CDK5RAP2: variants seen among roughly 807,000 people sequenced by gnomAD.
The protein encoded by CDK5RAP2 is CDK5 regulatory subunit associated protein 2.
In CDK5RAP2, 147 loss-of-function variants were observed where a neutral mutation model predicts 232.9. That is an observed-to-expected ratio of 0.63 (90% CI 0.55 to 0.72). CDK5RAP2 has a LOEUF of 0.72. Ranked by LOEUF, CDK5RAP2 falls within the 30% of genes least tolerant of loss-of-function variation. CDK5RAP2 has a pLI of 0.00. For synonymous variants in CDK5RAP2, 833 were observed against 833.7 expected (o/e 1.00, Z 0.01); for missense variants, 2,195 against 2,231.5 (o/e 0.98, Z 0.33).
At chr9:120,411,531 G>C (rs371815318) in intron 28 of CDK5RAP2, 57 bp from the exon 29 acceptor site, 4 of 917,638 alleles carry the variant, frequency 4.4e-6, no homozygotes, top group South Asian at 4.0e-5. Context: ...AGTATAGACA[G>C]AACTTTCTAG....
intron 21 of CDK5RAP2, among the ~76,000 whole-genome samples, chr9:120,453,178 G>A (rs1003679812): frequency 6.6e-6 from 1 of 152,104 alleles, no homozygotes; most frequent in African/African-American, 2.4e-5. Context: ...CCTCACGTGT[G>A]TTTTTTCTAA....
chr9:120,446,595 A>G (rs889592082), intron 22 of CDK5RAP2, among the ~76,000 whole-genome samples: 8 of 152,072 alleles, frequency 5.3e-5, no homozygotes, highest in East Asian at 1.9e-4. Context: ...AAAGTTTCCA[A>G]TCTTACCAAG....
chr9:120,552,799 G>A (rs577409401), intron 3 of CDK5RAP2, among the ~76,000 whole-genome samples: 36 of 151,006 alleles, frequency 2.4e-4, no homozygotes, highest in Non-Finnish European at 3.7e-4. Flanking sequence ...CGTATGTAAC[G>A]AACCTGCACA....
At chr9:120,547,482 T>C (rs755760279) in intron 4 of CDK5RAP2, among the ~76,000 whole-genome samples, 1 of 151,982 alleles carries the variant, frequency 6.6e-6, no homozygotes, top group Non-Finnish European at 1.5e-5. Flanking sequence ...CACATGCCTG[T>C]AGTCCCAGGT....
At chr9:120,393,216 T>C (rs2094427924) in intron 36 of CDK5RAP2, among the ~76,000 whole-genome samples, 3 of 152,138 alleles carry the variant, frequency 2.0e-5, no homozygotes, top group Admixed American at 2.0e-4. Context: ...ACTCAGCACA[T>C]CGTCCTGCAG....
chr9:120,452,064 C>T (rs1236500698), intron 21 of CDK5RAP2, among the ~76,000 whole-genome samples: 1 of 151,774 alleles, frequency 6.6e-6, no homozygotes, highest in Non-Finnish European at 1.5e-5. Context: ...TTCCTGAACA[C>T]AGAATAACAT....
intron 19 of CDK5RAP2, among the ~76,000 whole-genome samples, chr9:120,458,958 G>A (rs1259306771): frequency 6.6e-6 from 1 of 152,202 alleles, no homozygotes; most frequent in Non-Finnish European, 1.5e-5. Flanking sequence ...GACCACCTCA[G>A]GTGACATGTC....
intron 28 of CDK5RAP2, among the ~76,000 whole-genome samples, chr9:120,411,716 T>G (rs3818709): frequency 0.028 from 4,204 of 151,964 alleles, 73 homozygotes; most frequent in East Asian, 0.042. Flanking sequence ...GGGCCAGGAG[T>G]GGGATGAGTG....
In CDK5RAP2 at chr9:120,477,421, C is replaced by A. The variant is rs532710649; in HGVS notation, c.1656G>T (p.Glu552Asp). The A allele has an allele frequency of 6.2e-7, 1 of 1,613,402 alleles. No individual in the cohort carries two copies. Among genetic ancestry groups the A allele is most frequent in the Non-Finnish European group, 8.5e-7 (1 of 1,179,436 alleles). The change falls in exon 15 of 38, where the codon GAG (glutamate) becomes GAT (aspartate). Residue 552 changes from glutamate (E) to aspartate (D), a missense_variant. Coordinates refer to ENST00000349780, the MANE Select transcript of CDK5RAP2 (RefSeq NM_018249.6). ...GCTCTTTCTTTAAGACCTGAATCAG[C>A]TCTTCATAGTCTGATGATTGTTTCT... is the stretch of plus-strand genomic sequence containing the variant. ...KEKKQSSDYE[E>D]LIQVLKKEQD...
chr9:120,536,173 T>C (rs952260086), intron 7 of CDK5RAP2, among the ~76,000 whole-genome samples, 199 bp downstream of exon 7: 1 of 152,228 alleles, frequency 6.6e-6, no homozygotes, highest in Non-Finnish European at 1.5e-5. Context: ...CTCATATGAC[T>C]ATGCTATTCC....
chr9:120,407,573 T>G, intron 31 of CDK5RAP2: 1 of 362,716 alleles, frequency 2.8e-6, no homozygotes, highest in South Asian at 2.9e-5. Flanking sequence ...AAGGGGATGA[T>G]TTTAAGAGCC....
At chr9:120,489,651 G>A (rs1588467918) in intron 13 of CDK5RAP2, among the ~76,000 whole-genome samples, 1 of 151,750 alleles carries the variant, frequency 6.6e-6, no homozygotes, top group Non-Finnish European at 1.5e-5. Context: ...ATTCCAATAG[G>A]TCTTCTTTTC....
chr9:120,425,549 A>C (rs2034840165), intron 25 of CDK5RAP2, among the ~76,000 whole-genome samples: 2 of 152,238 alleles, frequency 1.3e-5, no homozygotes, highest in African/African-American at 4.8e-5. Flanking sequence ...CTGAACAAGC[A>C]AGAGAAGACT....
chr9:120,419,589 C>T lies in CDK5RAP2; in HGVS notation c.4177+199G>A, dbSNP rs572355563. The stretch of plus-strand genomic sequence containing the variant: ...ATTTAAAAAATAAAAATGGCTTTTC[C>T]CCAATCGCCAACACTTTCAACAACC... On this transcript the variant is annotated intron_variant, in intron 27 of 37. Transcript: ENST00000349780. 4.6e-5 allele frequency among the ~76,000 whole-genome samples: 7 copies of T among 152,284 alleles called. No homozygotes were observed. The East Asian group carries it at 1.3e-3, about 29-fold the overall frequency.
chr9:120,462,808 A>G (rs1295591211), intron 18 of CDK5RAP2, among the ~76,000 whole-genome samples: 1 of 152,244 alleles, frequency 6.6e-6, no homozygotes, highest in Admixed American at 6.5e-5. Context: ...AGGCACATAC[A>G]CTTGTAAAAC....
intron 12 of CDK5RAP2, among the ~76,000 whole-genome samples, chr9:120,515,112 C>T (rs980867319): frequency 2.6e-5 from 4 of 151,956 alleles, no homozygotes; most frequent in African/African-American, 9.7e-5. Flanking sequence ...CCCTCATCCT[C>T]GGCCATCCAA....
chr9:120,394,771 T>A, intron 35 of CDK5RAP2, 133 bp from the exon 36 acceptor site: 2 of 808,142 alleles, frequency 2.5e-6, no homozygotes, highest in Admixed American at 2.5e-5. Context: ...ACTAGAAGCC[T>A]TTTCCTGACA....
At chr9:120,448,511 C>T (rs1015213381) in intron 21 of CDK5RAP2, among the ~76,000 whole-genome samples, 1 of 152,174 alleles carries the variant, frequency 6.6e-6, no homozygotes, top group African/African-American at 2.4e-5. Context: ...CCCTGCTAGT[C>T]CCCCAGAACC....
chr9:120,423,365 T>C lies in CDK5RAP2; in HGVS notation c.3956-624A>G, dbSNP rs1276179617. ...CAAATAAAATAAGCATCTTTGTGCA[T>C]ACAGCTTTATCTGCATTTTAATTAT... On this transcript the variant is annotated intron_variant, in intron 25 of 37. Coordinates refer to ENST00000349780, the MANE Select transcript of CDK5RAP2 (RefSeq NM_018249.6). Among the ~76,000 whole-genome samples, 5 of 152,336 alleles carry C rather than the reference T, an allele frequency of 3.3e-5. No homozygotes were observed. The East Asian group carries it at 9.6e-4, about 29-fold the overall frequency.
Sources: gnomAD v4.1 joint callset for allele counts (sites outside exome capture counted in the v4.1 genomes callset) on GRCh38, gnomAD v4.1.1 for gene constraint, MANE v1.5 for transcripts, NCBI Gene and HGNC (gene_info 2026-07-23, HGNC 2026-07-21) for gene names.